MVB12B: variants seen among roughly 807,000 people sequenced by gnomAD.
The protein encoded by MVB12B is ESCRT-I complex subunit MVB12B.
A neutral mutation model predicts 41.6 loss-of-function variants in MVB12B; 16 were observed. That is an observed-to-expected ratio of 0.38 (90% CI 0.26 to 0.58). MVB12B has a LOEUF of 0.58. Among genes scored for constraint, MVB12B ranks in the 20% least tolerant of loss-of-function variants. The pLI is 0.62. For synonymous variants in MVB12B, 133 were observed against 139.7 expected, an observed-to-expected ratio of 0.95 and a Z score of 0.34; for missense variants, 274 against 380.2, an observed-to-expected ratio of 0.72 and a Z score of 2.32.
intron 6 of MVB12B, among the ~76,000 whole-genome samples, chr9:126,420,611 C>T (rs1185662338): frequency 8.7e-6 from 1 of 115,482 alleles, no homozygotes. Context: ...GAGTTTTGCT[C>T]TGTTGCCCAT....
At chr9:126,434,523 A>G (rs571922940) in intron 7 of MVB12B, among the ~76,000 whole-genome samples, 1 of 152,206 alleles carries the variant, frequency 6.6e-6, no homozygotes, top group South Asian at 2.1e-4. Flanking sequence ...GGCCCTAAGC[A>G]TCGCTTCTGG....
intron 7 of MVB12B, among the ~76,000 whole-genome samples, chr9:126,430,983 G>A (rs1477489259): frequency 1.3e-5 from 2 of 152,232 alleles, no homozygotes; most frequent in East Asian, 1.9e-4. Context: ...AGGAAGCAGT[G>A]TAGGAATGTC....
intron 7 of MVB12B, among the ~76,000 whole-genome samples, chr9:126,423,424 G>A (rs1027085623): frequency 6.6e-6 from 1 of 152,202 alleles, no homozygotes; most frequent in Non-Finnish European, 1.5e-5. Context: ...GCTTTGATGA[G>A]GTGTTGTCTG....
At chr9:126,402,174 G>A (rs1428563799) in intron 6 of MVB12B, among the ~76,000 whole-genome samples, 1 of 152,194 alleles carries the variant, frequency 6.6e-6, no homozygotes, top group Non-Finnish European at 1.5e-5. Flanking sequence ...CATGTAAGGT[G>A]CATCATTTAT....
chr9:126,360,729 G>A (rs7870882), intron 2 of MVB12B, among the ~76,000 whole-genome samples: 83 of 152,236 alleles, frequency 5.5e-4, no homozygotes, highest in African/African-American at 1.9e-3. Flanking sequence ...AGTGCTATAA[G>A]TTTTTGTTTC....
At chr9:126,420,695 C>A (rs372735750) in intron 6 of MVB12B, among the ~76,000 whole-genome samples, 2 of 151,322 alleles carry the variant, frequency 1.3e-5, no homozygotes, top group African/African-American at 2.4e-5. Flanking sequence ...GCAATTCTCC[C>A]GCCTCAGCTT....
chr9:126,457,863 G>T (rs918565540), intron 7 of MVB12B, among the ~76,000 whole-genome samples: 1 of 152,174 alleles, frequency 6.6e-6, no homozygotes, highest in Admixed American at 6.6e-5. Flanking sequence ...TTGTCCAATA[G>T]CCTCGCTGGA....
At chr9:126,500,033 C>T (rs1017532944) in intron 9 of MVB12B, among the ~76,000 whole-genome samples, 1 of 152,174 alleles carries the variant, frequency 6.6e-6, no homozygotes. Flanking sequence ...GTGGAAGCGT[C>T]CTGCTCCCCC....
chr9:126,344,823 G>A (rs529187537), intron 2 of MVB12B, among the ~76,000 whole-genome samples: 5 of 152,344 alleles, frequency 3.3e-5, no homozygotes, highest in South Asian at 2.1e-4. Context: ...GGCGGAAGTC[G>A]GAGGGGCAAG....
chr9:126,494,524 C>T (rs528447248), intron 9 of MVB12B, among the ~76,000 whole-genome samples: 8 of 152,334 alleles, frequency 5.3e-5, no homozygotes, highest in African/African-American at 1.9e-4. Context: ...GTGAACATCT[C>T]GCCTTTTGCA....
Position 126,497,320 on chromosome 9 carries a change from A to G in MVB12B, c.874-5857A>G, listed in dbSNP as rs77932383. 4.6e-4 allele frequency among the ~76,000 whole-genome samples: 70 copies of G among 152,278 alleles called. 1 individual carries two copies. The East Asian group carries it at 0.013, about 29-fold the overall frequency. Reference sequence around the variant, plus strand: ...GCTCCCAGGTTAGAGCTCATGAACCATCTGGGCGGGCTGTTAGGAAAACAG... The same window carrying G: ...GCTCCCAGGTTAGAGCTCATGAACCGTCTGGGCGGGCTGTTAGGAAAACAG... On this transcript the variant is annotated intron_variant, in intron 9 of 9. Coordinates refer to ENST00000361171, the MANE Select transcript of MVB12B (RefSeq NM_033446.3).
In MVB12B at chr9:126,343,448, G is replaced by A. The variant is rs578172794; in HGVS notation, c.204+2818G>A. Among the ~76,000 whole-genome samples, 3 of 152,314 alleles carry A rather than the reference G, an allele frequency of 2.0e-5. No homozygotes were observed. In the East Asian group the frequency reaches 5.8e-4, roughly 29 times the overall value. ...TTTTCGAAGAATTGTAATGCTATAA[G>A]AAGCACTTCCGGCTACAGTGCCTGT... On this transcript the variant is annotated intron_variant, in intron 2 of 9. Transcript: ENST00000361171.
intron 6 of MVB12B, among the ~76,000 whole-genome samples, chr9:126,410,025 C>T (rs1050866292): frequency 3.3e-5 from 5 of 152,250 alleles, no homozygotes; most frequent in South Asian, 2.1e-4. Context: ...TGCCATATGC[C>T]GTCAAGCTGC....
In MVB12B at chr9:126,386,048, A is replaced by G. The variant is rs1036036203; in HGVS notation, c.313-514A>G. ...TGAGGCAGCAGGGCTTTCACTCTGTATTAGTGTATGATTCTTGGGATTTTG... is the reference window on the plus strand; with the variant it reads ...TGAGGCAGCAGGGCTTTCACTCTGTGTTAGTGTATGATTCTTGGGATTTTG... On this transcript the variant is annotated intron_variant, in intron 3 of 9. Coordinates refer to ENST00000361171, the MANE Select transcript of MVB12B (RefSeq NM_033446.3). The surrounding 1 kb of genome is among the most constrained non-coding windows in gnomAD (Gnocchi z 4.3). Among the ~76,000 whole-genome samples, 3 of 152,178 alleles carry G rather than the reference A, an allele frequency of 2.0e-5. No homozygotes were observed. Among genetic ancestry groups the G allele is most frequent in the Admixed American group, 6.5e-5 (1 of 15,286 alleles).
rs1834071810 is a variant in MVB12B, at chr9:126,506,395, A to G, written c.*3132A>G. The G allele has an allele frequency of 6.6e-6, 1 of 152,570 alleles. No homozygotes were observed. The highest frequency in any genetic ancestry group is 1.5e-5 in the Non-Finnish European group (1 of 68,046). The allele number at this position is 152,570 out of a possible 1,614,324, so 9.5% of individuals were successfully genotyped here. ...CTAAGCGGCAGAGGCAGGGCCAGCC[A>G]TCCTGTCGCAAGCCCGTGCTGGGGC... On this transcript the variant is annotated 3_prime_UTR_variant, in exon 10 of 10. Transcript: ENST00000361171.
intron 7 of MVB12B, among the ~76,000 whole-genome samples, chr9:126,470,530 G>C (rs559283060): frequency 3.3e-5 from 5 of 152,120 alleles, no homozygotes; most frequent in Non-Finnish European, 7.4e-5. Flanking sequence ...AGGAGGAGGT[G>C]GGGGGGCTGG....
intron 7 of MVB12B, among the ~76,000 whole-genome samples, chr9:126,461,621 A>T (rs1356197153): frequency 6.6e-6 from 1 of 152,248 alleles, no homozygotes; most frequent in African/African-American, 2.4e-5. Context: ...AATAAAGCGA[A>T]ATGTTTTCGT....
intron 3 of MVB12B, among the ~76,000 whole-genome samples, chr9:126,385,606 A>T (rs1164641266): frequency 6.6e-6 from 1 of 152,230 alleles, no homozygotes; most frequent in Non-Finnish European, 1.5e-5. Flanking sequence ...GCATGTTCAC[A>T]CTGGGCTTCG....
At chr9:126,491,675 G>C (rs905961029) in intron 9 of MVB12B, among the ~76,000 whole-genome samples, 1 of 152,152 alleles carries the variant, frequency 6.6e-6, no homozygotes, top group African/African-American at 2.4e-5. Flanking sequence ...AACCTAGTCT[G>C]CTCCCTTTAA....
Sources: allele counts gnomAD v4.1 joint callset (sites outside exome capture counted in the v4.1 genomes callset), GRCh38; gene constraint gnomAD v4.1.1; non-coding constraint Gnocchi (gnomAD v3.1); transcripts MANE v1.5; gene names NCBI Gene and HGNC (gene_info 2026-07-23, HGNC 2026-07-21).